Variants in NF2 observed in about 807,000 individuals in gnomAD.
The protein encoded by NF2 is NF2, moesin-ezrin-radixin like (MERLIN) tumor suppressor.
A neutral mutation model predicts 83.7 loss-of-function variants in NF2; 8 were observed. The ratio of observed to expected loss-of-function variants is 0.10; its 90% CI spans 0.06 to 0.17. NF2 has a LOEUF of 0.17. Ranked by LOEUF, NF2 falls within the 10% of genes least tolerant of loss-of-function variation. NF2 has a pLI of 1.00. For synonymous variants in NF2, 266 were observed against 269.6 expected, an observed-to-expected ratio of 0.99 and a Z score of 0.13; for missense variants, 533 against 744.4, an observed-to-expected ratio of 0.72 and a Z score of 3.31.
chr22:29,643,910 G>T (rs10135594), intron 4 of NF2, among the ~76,000 whole-genome samples: 1 of 150,230 alleles, frequency 6.7e-6, no homozygotes, highest in African/African-American at 2.4e-5. Flanking sequence ...GCGGCTGGCC[G>T]GGCGGGGGGC....
At chr22:29,610,368 G>C (rs2064917907) in intron 1 of NF2, among the ~76,000 whole-genome samples, 1 of 151,966 alleles carries the variant, frequency 6.6e-6, no homozygotes, top group Non-Finnish European at 1.5e-5. Flanking sequence ...AAAGAGGCTG[G>C]GTGCAGTGGC....
chr22:29,640,336 A>G (rs946583839), intron 3 of NF2, among the ~76,000 whole-genome samples: 1 of 152,002 alleles, frequency 6.6e-6, no homozygotes, highest in Non-Finnish European at 1.5e-5. Context: ...ATTCCTCATT[A>G]GATTGTAAGC....
At chr22:29,640,858 G>A (rs961065150) in intron 3 of NF2, among the ~76,000 whole-genome samples, 1 of 152,204 alleles carries the variant, frequency 6.6e-6, no homozygotes, top group Non-Finnish European at 1.5e-5. Flanking sequence ...CTTAGGCTGG[G>A]CGTGGTGGCT....
chr22:29,680,913 G>C (rs559376838), intron 14 of NF2, among the ~76,000 whole-genome samples: 54 of 150,894 alleles, frequency 3.6e-4, no homozygotes, highest in African/African-American at 1.3e-3. Context: ...CAAGGAGATT[G>C]TTCTGGGTTC....
rs2065303048 is a variant in NF2, at chr22:29,624,803, T to TTCTTTCTTTCTA, written c.115-11937_115-11936insATCTTTCTTTCT. 7.7e-3 allele frequency among the ~76,000 whole-genome samples: 70 copies of TTCTTTCTTTCTA among 9,034 alleles called. 1 individual carries two copies. The highest frequency in any genetic ancestry group is 0.03 in the African/African-American group (67 of 2,204). 5.9% of individuals were successfully genotyped at this position (9,034 alleles called of 152,430 possible). A position where few individuals can be genotyped will look rare whatever the true frequency, so the allele number is the denominator to read the frequency against. Reference sequence around the variant, plus strand: ...CCATGTTCTTGTTGAAGGGTCCTCTTTCTTTCTTTCTTTCTTTCTTTCTTT... The same window carrying TTCTTTCTTTCTA: ...CCATGTTCTTGTTGAAGGGTCCTCTTTCTTTCTTTCTATCTTTCTTTCTTTCTTTCTTTCTTT... On this transcript the variant is annotated intron_variant, in intron 1 of 15. Coordinates refer to ENST00000338641, the MANE Select transcript of NF2 (RefSeq NM_000268.4).
At chr22:29,688,737 A>T (rs901400454) in intron 15 of NF2, among the ~76,000 whole-genome samples, 2 of 152,236 alleles carry the variant, frequency 1.3e-5, no homozygotes. Context: ...GAGAGCAGAT[A>T]AAGTCGCTAA....
chr22:29,666,287 G>A (rs949328527), intron 9 of NF2, among the ~76,000 whole-genome samples: 1 of 151,872 alleles, frequency 6.6e-6, no homozygotes, highest in African/African-American at 2.4e-5. Flanking sequence ...ATTACAGGCG[G>A]CCACTACCAC....
chr22:29,695,642 G>A lies in NF2; in HGVS notation c.*840G>A, dbSNP rs1384822498. 1 of 233,858 alleles carries A rather than the reference G, an allele frequency of 4.3e-6. No individual in the cohort carries two copies. Among genetic ancestry groups the A allele is most frequent in the African/African-American group, 2.2e-5 (1 of 45,330 alleles). The allele number at this position is 233,858 out of a possible 1,614,324, so 14.5% of individuals were successfully genotyped here. A position where few individuals can be genotyped will look rare whatever the true frequency, so the allele number is the denominator to read the frequency against. On this transcript the variant is annotated 3_prime_UTR_variant, in exon 16 of 16. Coordinates refer to ENST00000338641, the MANE Select transcript of NF2 (RefSeq NM_000268.4). This position sits in a 1 kb window ranked among gnomAD's most constrained non-coding sequence, Gnocchi z 5.4. ...CTGTGTGGGGCTGGGGTACTCCCTG[G>A]TCGTACTGCAGTCAGCACCCGTAAC...
chr22:29,633,328 T>A (rs1388090032), intron 1 of NF2, among the ~76,000 whole-genome samples: 1 of 152,148 alleles, frequency 6.6e-6, no homozygotes, highest in Non-Finnish European at 1.5e-5. Context: ...CTTGATTCCA[T>A]CTCTCCTTTA....
chr22:29,636,519 C>G lies in NF2; in HGVS notation c.115-232C>G, dbSNP rs535413563. Among the ~76,000 whole-genome samples the G allele has an allele frequency of 6.6e-6, 1 of 152,260 alleles. No individual in the cohort carries two copies. Among genetic ancestry groups the G allele is most frequent in the Admixed American group, 6.5e-5 (1 of 15,298 alleles). ...GATGTTAAAATCCGTAAGGAACTGTCCAAGGGATGTATTGTGTATGCTTTG... is the reference window on the plus strand; with the variant it reads ...GATGTTAAAATCCGTAAGGAACTGTGCAAGGGATGTATTGTGTATGCTTTG... On this transcript the variant is annotated intron_variant, in intron 1 of 15. Coordinates refer to ENST00000338641, the MANE Select transcript of NF2 (RefSeq NM_000268.4). The surrounding 1 kb of genome is among the most constrained non-coding windows in gnomAD (Gnocchi z 4.4).
chr22:29,656,648 G>A lies in NF2; in HGVS notation c.599+972G>A, dbSNP rs922280256. On this transcript the variant is annotated intron_variant, in intron 6 of 15. Coordinates refer to ENST00000338641, the MANE Select transcript of NF2 (RefSeq NM_000268.4). ...GGGATGGTCTCGATCTCCTGACCTC[G>A]TGATCTGCCTGCCTCGGCCTCCCAA... Among the ~76,000 whole-genome samples, 5 of 152,080 alleles carry A rather than the reference G, an allele frequency of 3.3e-5. No individual in the cohort carries two copies. In the East Asian group the frequency reaches 5.8e-4, roughly 18 times the overall value.
chr22:29,644,170 G>A (rs1337278114), intron 4 of NF2, among the ~76,000 whole-genome samples: 6 of 151,420 alleles, frequency 4.0e-5, no homozygotes, highest in East Asian at 2.0e-4. Flanking sequence ...CAGACGGGGC[G>A]GTTGCCAGGC....
Position 29,696,254 on chromosome 22 carries a change from T to C in NF2, c.*1452T>C, listed in dbSNP as rs752371775. ...ACACTTGGCCAATGTTCTGTATTTT[T>C]AATAGGGACGGGGTTTTGCCATGTT... On this transcript the variant is annotated 3_prime_UTR_variant, in exon 16 of 16. Transcript: ENST00000338641. The C allele has an allele frequency of 2.3e-5, 5 of 213,562 alleles. No homozygotes were observed. The highest frequency in any genetic ancestry group is 3.8e-5 in the Non-Finnish European group (4 of 105,790). The allele number at this position is 213,562 out of a possible 1,614,324, so 13.2% of individuals were successfully genotyped here. A position where few individuals can be genotyped will look rare whatever the true frequency, so the allele number is the denominator to read the frequency against.
chr22:29,688,337 A>G (rs1351118716), intron 15 of NF2, among the ~76,000 whole-genome samples: 3 of 152,152 alleles, frequency 2.0e-5, no homozygotes, highest in African/African-American at 7.2e-5. Context: ...TCTCCTCGGC[A>G]CCGGATTCGT....
chr22:29,675,560 G>A (rs1269752140), intron 13 of NF2, among the ~76,000 whole-genome samples: 1 of 151,818 alleles, frequency 6.6e-6, no homozygotes. Flanking sequence ...TTCTCAGGGT[G>A]CACAGGTGCC....
intron 1 of NF2, among the ~76,000 whole-genome samples, chr22:29,617,553 C>T (rs965888505): frequency 1.1e-4 from 16 of 152,166 alleles, no homozygotes; most frequent in African/African-American, 3.6e-4. Context: ...AGGACACCCT[C>T]CAATCTCCTC....
intron 1 of NF2, among the ~76,000 whole-genome samples, chr22:29,622,684 C>G (rs2065246008): frequency 9.0e-6 from 1 of 110,684 alleles, no homozygotes; most frequent in Non-Finnish European, 1.7e-5. Context: ...GAGACAGAGA[C>G]TCGCTCTGTC....
At chr22:29,645,658 T>C (rs1036303301) in intron 4 of NF2, among the ~76,000 whole-genome samples, 7 of 152,272 alleles carry the variant, frequency 4.6e-5, no homozygotes, top group South Asian at 2.1e-4. Flanking sequence ...AGACCCAGCC[T>C]CTCAAGGACA....
At chr22:29,643,001 G>A (rs1312484047) in intron 4 of NF2, among the ~76,000 whole-genome samples, 1 of 151,506 alleles carries the variant, frequency 6.6e-6, no homozygotes, top group Non-Finnish European at 1.5e-5. Context: ...GGTTAGCCAC[G>A]GAGTTTCATG....
Sources: gnomAD v4.1 joint callset for allele counts (sites outside exome capture counted in the v4.1 genomes callset) on GRCh38, gnomAD v4.1.1 for gene constraint, Gnocchi (gnomAD v3.1) non-coding constraint, MANE v1.5 for transcripts, NCBI Gene and HGNC (gene_info 2026-07-23, HGNC 2026-07-21) for gene names.